ENOX2: variants seen among roughly 807,000 people sequenced by gnomAD.
ENOX2 encodes the protein APK1 antigen.
ENOX2 carries 36 observed loss-of-function variants against 45.0 expected under a neutral mutation model. That is an observed-to-expected ratio of 0.80 (90% CI 0.61 to 1.06). ENOX2 has a LOEUF of 1.06. ENOX2 is among the 50% of genes least tolerant of loss of function. The pLI is 0.00. For synonymous variants in ENOX2, 174 were observed against 152.3 expected (o/e 1.14, Z -1.05); for missense variants, 423 against 462.5 (o/e 0.91, Z 0.78).
chrX:130,859,521 G>C (rs1012590709), intron 2 of ENOX2, among the ~76,000 whole-genome samples: 1 of 112,440 alleles, frequency 8.9e-6, no homozygotes, highest in African/African-American at 3.2e-5. Context: ...GAGTCTTGCA[G>C]AGTAAGTAGG....
rs140378068 is a variant in ENOX2 at position 130,670,134 on chromosome X, G to A, written c.525C>T (p.Phe175=). The A allele has an allele frequency of 7.4e-6, 9 of 1,209,095 alleles. No individual in the cohort carries two copies. Among genetic ancestry groups the A allele is most frequent in the African/African-American group, 7.0e-5 (4 of 56,876 alleles). Reference sequence around the variant, plus strand: ...CATACAGGTCATCTCGAGCCTGTGCGAAATCAACGTGGAGTCTGCCTGTGT... The same window carrying A: ...CATACAGGTCATCTCGAGCCTGTGCAAAATCAACGTGGAGTCTGCCTGTGT... ...KKDTGRLHVD[F]AQARDDLYEW... Residue 175 remains phenylalanine, a synonymous_variant, in exon 7 of 15, where the codon TTC becomes TTT. Transcript: ENST00000394363.
At chrX:130,663,230 T>C (rs989364342) in intron 9 of ENOX2, among the ~76,000 whole-genome samples, 1 of 112,130 alleles carries the variant, frequency 8.9e-6, no homozygotes, top group Non-Finnish European at 1.9e-5. Context: ...GGCCACATAG[T>C]TTGCAAAAGT....
At chrX:130,902,796 AG>A (rs2079167064) in intron 1 of ENOX2, among the ~76,000 whole-genome samples, 1 of 90,834 alleles carries the variant, frequency 1.1e-5, no homozygotes, top group Admixed American at 1.2e-4. Context: ...AAAAAAAAAA[AG>A]GGGCGGGCGA....
At chrX:130,828,853 G>A (rs2077767589) in intron 2 of ENOX2, among the ~76,000 whole-genome samples, 1 of 111,666 alleles carries the variant, frequency 9.0e-6, no homozygotes, top group African/African-American at 3.3e-5. Flanking sequence ...TGGCGTCTTT[G>A]TCTAGAAGTG....
chrX:130,636,216 C>T (rs778571057), intron 11 of ENOX2, among the ~76,000 whole-genome samples: 7 of 111,652 alleles, frequency 6.3e-5, no homozygotes, highest in Admixed American at 1.9e-4. Context: ...TCCATGGTGA[C>T]GGTAAAAGGA....
chrX:130,641,718 CAAAAAAA>C (rs753792308), intron 10 of ENOX2, among the ~76,000 whole-genome samples: 10 of 34,716 alleles, frequency 2.9e-4, no homozygotes, highest in South Asian at 1.9e-3. Context: ...ACTCCATCTC[CAAAAAAA>C]AAAAAAAAAA....
At chrX:130,702,002 T>C (rs1038005996) in intron 4 of ENOX2, among the ~76,000 whole-genome samples, 3 of 111,669 alleles carry the variant, frequency 2.7e-5, no homozygotes, top group African/African-American at 6.5e-5. Flanking sequence ...TACCTTTTTT[T>C]CTTCATGTTT....
In ENOX2 at chrX:130,665,670, G is replaced by A. The variant is rs2036815140; in HGVS notation, c.987C>T (p.Asn329=). ...WDHFTKAQRK[N]ISVWCKQAEE... ...CAGCTTGTTTGCACCACACGCTGAT[G>A]TTCTTCCGCTGGGCTTTTGTGAAGT... Residue 329 remains asparagine, a synonymous_variant, in exon 9 of 15, where the codon AAC becomes AAT. Coordinates refer to ENST00000394363, the MANE Select transcript of ENOX2 (RefSeq NM_006375.4). 1 of 1,205,320 alleles carries A rather than the reference G, an allele frequency of 8.3e-7. No individual in the cohort carries two copies. The highest frequency in any genetic ancestry group is 2.2e-5 in the Admixed American group (1 of 45,623).
intron 2 of ENOX2, among the ~76,000 whole-genome samples, chrX:130,813,350 AC>A (rs1338965424): frequency 8.9e-6 from 1 of 112,412 alleles, no homozygotes; most frequent in East Asian, 2.8e-4. Context: ...ATGACATTAA[AC>A]CTTATCTTAC....
At chrX:130,860,780 C>T (rs2148535293) in intron 2 of ENOX2, among the ~76,000 whole-genome samples, 1 of 111,743 alleles carries the variant, frequency 8.9e-6, no homozygotes, top group African/African-American at 3.3e-5. Context: ...GCTCATACAC[C>T]TGTAATCTCT....
chrX:130,711,928 G>T (rs928868030), intron 3 of ENOX2, among the ~76,000 whole-genome samples: 19 of 111,149 alleles, frequency 1.7e-4, no homozygotes, highest in Admixed American at 1.5e-3. Context: ...GAAGAAGAAG[G>T]CCACAGAATT....
chrX:130,656,930 T>C (rs2036563633), intron 9 of ENOX2, among the ~76,000 whole-genome samples: 1 of 111,820 alleles, frequency 8.9e-6, no homozygotes, highest in Non-Finnish European at 1.9e-5. Context: ...TCCAGGAGTC[T>C]ATGATTCTTA....
intron 2 of ENOX2, among the ~76,000 whole-genome samples, chrX:130,808,355 T>A (rs1293706952): frequency 8.9e-6 from 1 of 112,270 alleles, no homozygotes; most frequent in African/African-American, 3.2e-5. Context: ...CTTACCTTCC[T>A]CACCTGTTTT....
intron 8 of ENOX2, 22 bp downstream of exon 8, chrX:130,667,508 C>T (rs2036864542): frequency 8.5e-7 from 1 of 1,177,420 alleles, no homozygotes; most frequent in Admixed American, 2.2e-5. Context: ...CTCATTCCAG[C>T]AGAACTCTAA....
intron 2 of ENOX2, among the ~76,000 whole-genome samples, chrX:130,802,766 T>G (rs1055895939): frequency 8.9e-6 from 1 of 111,940 alleles, no homozygotes; most frequent in Non-Finnish European, 1.9e-5. Flanking sequence ...TTTGTACTAT[T>G]GCCTAGTTAA....
chrX:130,808,576 T>C (rs936176785), intron 2 of ENOX2, among the ~76,000 whole-genome samples: 5 of 111,860 alleles, frequency 4.5e-5, no homozygotes, highest in African/African-American at 1.6e-4. Flanking sequence ...ATACCACCAA[T>C]TAGGTTAAAA....
chrX:130,671,676 T>C (rs2036994878), intron 6 of ENOX2, among the ~76,000 whole-genome samples: 1 of 111,842 alleles, frequency 8.9e-6, no homozygotes, highest in African/African-American at 3.3e-5. Context: ...GGGTTGGGAA[T>C]AGCTCCTTTT....
At chrX:130,879,630 C>T (rs1035707699) in intron 2 of ENOX2, among the ~76,000 whole-genome samples, 2 of 111,693 alleles carry the variant, frequency 1.8e-5, no homozygotes, top group South Asian at 3.8e-4. Flanking sequence ...TATATAGTCT[C>T]GGCTAAGAAG....
intron 8 of ENOX2, among the ~76,000 whole-genome samples, 187 bp downstream of exon 8, chrX:130,667,343 G>A (rs1282154988): frequency 2.7e-5 from 3 of 111,746 alleles, no homozygotes; most frequent in African/African-American, 6.5e-5. Context: ...AAGCTAGCAG[G>A]TGCGCACATG....
Sources: gnomAD v4.1 joint callset for allele counts (sites outside exome capture counted in the v4.1 genomes callset) on GRCh38, gnomAD v4.1.1 for gene constraint, MANE v1.5 for transcripts, NCBI Gene and HGNC (gene_info 2026-07-23, HGNC 2026-07-21) for gene names.